The following FAM167A variants were observed in gnomAD, a reference collection of about 807,000 sequenced individuals.
FAM167A encodes the protein family with sequence similarity 167 member A, also known as protein FAM167A.
In FAM167A, 23 loss-of-function variants were observed where a neutral mutation model predicts 14.9. That is an observed-to-expected ratio of 1.55 (90% CI 1.11 to 2.19). FAM167A has a LOEUF of 2.19. FAM167A is among the 30% of genes most tolerant of loss of function. The probability of loss-of-function intolerance (pLI) is 0.00; values close to 1 mark genes in which losing one functional copy is unlikely to be tolerated. For missense variants in FAM167A, 401 were observed against 281.5 expected, an observed-to-expected ratio of 1.42 and a Z score of -3.04; for synonymous variants, 174 against 117.7, an observed-to-expected ratio of 1.48 and a Z score of -3.10.
intron 2 of FAM167A, among the ~76,000 whole-genome samples, chr8:11,441,826 C>T (rs1806457067): frequency 6.6e-6 from 1 of 152,134 alleles, no homozygotes; most frequent in African/African-American, 2.4e-5. Flanking sequence ...TCTCTCTGCC[C>T]CCACCCCCAT....
At chr8:11,425,271 G>C (rs569946387) in intron 2 of FAM167A, among the ~76,000 whole-genome samples, 1 of 152,200 alleles carries the variant, frequency 6.6e-6, no homozygotes, top group Non-Finnish European at 1.5e-5. Context: ...AACCTGTGAA[G>C]TGATGTCACC....
intron 1 of FAM167A, among the ~76,000 whole-genome samples, chr8:11,447,454 G>A (rs60493532): frequency 0.04 from 6,135 of 152,326 alleles, 192 homozygotes; most frequent in African/African-American, 0.09. Flanking sequence ...GGACCATCTG[G>A]TGGCACGGGC....
chr8:11,459,053 G>A (rs6601590), intron 1 of FAM167A, among the ~76,000 whole-genome samples: 4,960 of 152,240 alleles, frequency 0.033, 249 homozygotes, highest in African/African-American at 0.11. Context: ...TAAAATAAAC[G>A]CATGAATGAC....
chr8:11,462,151 G>A (rs1040655148), intron 1 of FAM167A, among the ~76,000 whole-genome samples: 5 of 152,250 alleles, frequency 3.3e-5, no homozygotes, highest in African/African-American at 1.2e-4. Flanking sequence ...TTGCGCTGGA[G>A]GTACTTGGCT....
chr8:11,444,559 G>T lies in FAM167A; in HGVS notation c.-148C>A, dbSNP rs1806664051. The T allele has an allele frequency of 6.9e-7, 1 of 1,459,014 alleles. No individual in the cohort carries two copies. Among genetic ancestry groups the T allele is most frequent in the South Asian group, 1.4e-5 (1 of 69,790 alleles). 90.4% of individuals were successfully genotyped at this position (1,459,014 alleles called of 1,614,324 possible). A position where few individuals can be genotyped will look rare whatever the true frequency, so the allele number is the denominator to read the frequency against. Reference sequence around the variant, plus strand: ...GGGACAGGAGCCGGCCTCAGAGGCTGGGTGGCAGGGGAGCTGAGAGGGACC... The same window carrying T: ...GGGACAGGAGCCGGCCTCAGAGGCTTGGTGGCAGGGGAGCTGAGAGGGACC... On this transcript the variant is annotated 5_prime_UTR_variant, in exon 2 of 3. Transcript: ENST00000284486.
chr8:11,428,073 T>C (rs1805309716), intron 2 of FAM167A, among the ~76,000 whole-genome samples: 3 of 152,136 alleles, frequency 2.0e-5, no homozygotes, highest in African/African-American at 7.2e-5. Context: ...TGGAGTGTTC[T>C]GTAATTTGAC....
At chr8:11,449,953 G>T (rs1806958028) in intron 1 of FAM167A, among the ~76,000 whole-genome samples, 1 of 152,212 alleles carries the variant, frequency 6.6e-6, no homozygotes. Flanking sequence ...CAAGGGCAGG[G>T]GAAGACGCAG....
intron 1 of FAM167A, among the ~76,000 whole-genome samples, chr8:11,466,389 C>T (rs1807768360): frequency 6.6e-6 from 1 of 152,252 alleles, no homozygotes; most frequent in African/African-American, 2.4e-5. Flanking sequence ...AGATGAAGTC[C>T]AGCCCTGGCT....
At chr8:11,468,990 A>C (rs1807869729), upstream of FAM167A, among the ~76,000 whole-genome samples, 1 of 152,144 alleles carries the variant, frequency 6.6e-6, no homozygotes, top group Non-Finnish European at 1.5e-5. Context: ...AGTAGCCTCA[A>C]CTCCAAAGTG....
rs1585257649 is a variant in FAM167A, at chr8:11,443,976, CAGAG to C, written c.381+51_381+54del. The C allele has an allele frequency of 7.7e-6, 12 of 1,558,008 alleles. No individual in the cohort carries two copies. In the East Asian group the frequency reaches 1.6e-4, roughly 21 times the overall value. On this transcript the variant is annotated intron_variant, in intron 2 of 2. Coordinates refer to ENST00000284486, the MANE Select transcript of FAM167A (RefSeq NM_053279.3). Reference sequence around the variant, plus strand: ...AGACAGAGAGAGACAGAAAAAGACACAGAGAGACGGTGGCATCTCCTCTTTTCTG... The same window carrying C: ...AGACAGAGAGAGACAGAAAAAGACACAGACGGTGGCATCTCCTCTTTTCTG...
rs1804975996 is a variant in FAM167A at position 11,424,331 on chromosome 8, C to G, written c.*42G>C. On this transcript the variant is annotated 3_prime_UTR_variant, in exon 3 of 3. Transcript: ENST00000284486. ...AGCTTCCTCTGACACCCCTCCAGCC[C>G]AAGCCCTCCGCTCCAGCCCCTCCGC... The G allele has an allele frequency of 1.2e-6, 2 of 1,607,210 alleles. No homozygotes were observed. Among genetic ancestry groups the G allele is most frequent in the South Asian group, 2.2e-5 (2 of 90,760 alleles).
At chr8:11,445,162 A>G (rs1585260370) in intron 1 of FAM167A, 4 of 985,332 alleles carry the variant, frequency 4.1e-6, no homozygotes, top group Non-Finnish European at 4.8e-6. Context: ...TCTCCCAGCA[A>G]TAAGTTGTGG....
chr8:11,474,206 G>T (rs1289567600), intron 1 of FAM167A, among the ~76,000 whole-genome samples: 3 of 152,194 alleles, frequency 2.0e-5, no homozygotes, highest in Non-Finnish European at 4.4e-5. Flanking sequence ...CGCGCCAACT[G>T]CTCTTGGTTT....
At chr8:11,472,142 T>C (rs1807978598), upstream of FAM167A, among the ~76,000 whole-genome samples, 1 of 152,248 alleles carries the variant, frequency 6.6e-6, no homozygotes. Context: ...TTTGGGCCTC[T>C]CAAATGTCAG....
chr8:11,447,785 G>T (rs1304401154), intron 1 of FAM167A, among the ~76,000 whole-genome samples: 1 of 152,226 alleles, frequency 6.6e-6, no homozygotes, highest in Non-Finnish European at 1.5e-5. Flanking sequence ...CTGGCACATT[G>T]CTTCATGACC....
intron 2 of FAM167A, 72 bp from the exon 3 acceptor site, chr8:11,424,708 C>G: frequency 6.4e-7 from 1 of 1,568,780 alleles, no homozygotes; most frequent in Non-Finnish European, 8.6e-7. Flanking sequence ...GACTGGTTAG[C>G]AGGGCCCTGA....
chr8:11,439,001 G>T (rs1297702522), intron 2 of FAM167A, among the ~76,000 whole-genome samples: 8 of 152,322 alleles, frequency 5.3e-5, no homozygotes, highest in African/African-American at 1.9e-4. Context: ...TGTTCTGAAG[G>T]GTTTAAGCAC....
At chr8:11,441,007 G>T (rs1806402766) in intron 2 of FAM167A, among the ~76,000 whole-genome samples, 1 of 152,162 alleles carries the variant, frequency 6.6e-6, no homozygotes, top group South Asian at 2.1e-4. Flanking sequence ...CAATCAAAGG[G>T]TTTTTGCAAG....
chr8:11,431,835 C>T (rs1221165422), intron 2 of FAM167A, among the ~76,000 whole-genome samples: 1 of 142,300 alleles, frequency 7.0e-6, no homozygotes, highest in Non-Finnish European at 1.5e-5. Context: ...GGTAGAAGGG[C>T]CTCTCTGGGG....
Sources: gnomAD v4.1 joint callset for allele counts (sites outside exome capture counted in the v4.1 genomes callset) on GRCh38, gnomAD v4.1.1 for gene constraint, MANE v1.5 for transcripts, NCBI Gene and HGNC (gene_info 2026-07-23, HGNC 2026-07-21) for gene names.